PPIG: variants seen among roughly 807,000 people sequenced by gnomAD.
PPIG encodes the protein peptidylprolyl isomerase G.
In PPIG, 26 loss-of-function variants were observed where a neutral mutation model predicts 87.9. The ratio of observed to expected loss-of-function variants is 0.30; its 90% CI spans 0.22 to 0.41. The LOEUF is 0.41. Among genes scored for constraint, PPIG ranks in the 10% least tolerant of loss-of-function variants. The pLI, the probability that PPIG is intolerant of heterozygous loss-of-function variation, is 1.00. For synonymous variants in PPIG, 308 were observed against 276.5 expected (o/e 1.11, Z -1.13); for missense variants, 722 against 879.4 (o/e 0.82, Z 2.26).
chr2:169,612,226 CT>C (rs1025702753), intron 7 of PPIG, among the ~76,000 whole-genome samples: 1 of 152,168 alleles, frequency 6.6e-6, no homozygotes, highest in African/African-American at 2.4e-5. Context: ...ACCATTTCCC[CT>C]TTCCCCCAAT....
At chr2:169,611,893 A>G (rs1334724475) in intron 7 of PPIG, among the ~76,000 whole-genome samples, 1 of 152,206 alleles carries the variant, frequency 6.6e-6, no homozygotes, top group Non-Finnish European at 1.5e-5. Flanking sequence ...AGTCTTAAAA[A>G]AAATTTTTTT....
At position 169,614,582 on chromosome 2, in the gene PPIG, T is replaced by G; in HGVS notation, c.408-3T>G. 1 of 1,599,434 alleles carries G rather than the reference T, an allele frequency of 6.3e-7. No homozygotes were observed. ...TTTAATAATTTTTTACTTGACACTT[T>G]AGGCATCATGTTGTTTTTGGACAAG... On this transcript the variant is annotated splice_region_variant and splice_polypyrimidine_tract_variant and intron_variant, in intron 8 of 13. Coordinates refer to ENST00000260970, the MANE Select transcript of PPIG (RefSeq NM_004792.3).
chr2:169,585,986 AT>A (rs2105466076), intron 1 of PPIG, among the ~76,000 whole-genome samples: 1 of 152,222 alleles, frequency 6.6e-6, no homozygotes, highest in South Asian at 2.1e-4. Context: ...GTGCTATAAA[AT>A]CCAGAAAAGA....
At chr2:169,592,512 G>T (rs1196425450) in intron 1 of PPIG, among the ~76,000 whole-genome samples, 1 of 151,984 alleles carries the variant, frequency 6.6e-6, no homozygotes, top group South Asian at 2.1e-4. Context: ...CACCATGTTA[G>T]CCAGGATGGT....
At chr2:169,610,471 G>A (rs1329261717) in intron 7 of PPIG, among the ~76,000 whole-genome samples, 1 of 149,486 alleles carries the variant, frequency 6.7e-6, no homozygotes, top group Non-Finnish European at 1.5e-5. Flanking sequence ...TTCCTACCTA[G>A]TTTTGATATT....
At chr2:169,625,954 A>G (rs1685869680) in intron 9 of PPIG, among the ~76,000 whole-genome samples, 1 of 152,162 alleles carries the variant, frequency 6.6e-6, no homozygotes, top group Non-Finnish European at 1.5e-5. Flanking sequence ...CTGATCTGAC[A>G]GGAGGTGGAG....
chr2:169,605,957 AG>A, intron 4 of PPIG, 81 bp from the exon 5 acceptor site: 2 of 916,516 alleles, frequency 2.2e-6, no homozygotes, highest in South Asian at 2.9e-5. Context: ...AGGGTTCAAG[AG>A]GGGCATATTT....
At position 169,636,621 on chromosome 2, in the gene PPIG, A is replaced by G; in HGVS notation, c.1363A>G (p.Arg455Gly). 1 of 1,594,316 alleles carries G rather than the reference A, an allele frequency of 6.3e-7. No homozygotes were observed. Among genetic ancestry groups the G allele is most frequent in the Non-Finnish European group, 8.5e-7 (1 of 1,175,208 alleles). Reference protein sequence around the residue: ...DDKYKNKVKKRAKSKSRSKSK... With the variant: ...DDKYKNKVKKGAKSKSRSKSK... Reference sequence around the variant, plus strand: ...CAAGTATAAAAACAAAGTGAAGAAAAGGGCCAAATCTAAAAGTAGGAGTAA... The same window carrying G: ...CAAGTATAAAAACAAAGTGAAGAAAGGGGCCAAATCTAAAAGTAGGAGTAA... The change falls in exon 14 of 14, where the codon AGG (arginine) becomes GGG (glycine). Residue 455 changes from arginine to glycine, a missense_variant. By Grantham distance (125) the Arg-to-Gly change is moderately radical (BLOSUM62 -2). Around this residue, in one of 4 missense-constraint regions of PPIG, gnomAD observed 476 missense variants for 483.1 expected, o/e 0.99. Coordinates refer to ENST00000260970, the MANE Select transcript of PPIG (RefSeq NM_004792.3).
At chr2:169,626,903 T>C (rs1018486184) in intron 9 of PPIG, among the ~76,000 whole-genome samples, 3 of 139,928 alleles carry the variant, frequency 2.1e-5, no homozygotes, top group African/African-American at 8.1e-5. Flanking sequence ...GGAGGCGGGG[T>C]TTCACCATGT....
rs1019438621 is a variant in PPIG at position 169,638,170 on chromosome 2, G to A, written c.*647G>A. 1.3e-5 allele frequency: 2 copies of A among 151,712 alleles called. No homozygotes were observed. The highest frequency in any genetic ancestry group is 4.8e-5 in the African/African-American group (2 of 41,308). 9.4% of individuals were successfully genotyped at this position (151,712 alleles called of 1,614,324 possible). ...TTTTACTTAACTGCCTATAAAAATCGTAAGAGTAATTTTTTTCAGTTGATG... is the reference window on the plus strand; with the variant it reads ...TTTTACTTAACTGCCTATAAAAATCATAAGAGTAATTTTTTTCAGTTGATG... On this transcript the variant is annotated 3_prime_UTR_variant, in exon 14 of 14. Coordinates refer to ENST00000260970, the MANE Select transcript of PPIG (RefSeq NM_004792.3).
intron 9 of PPIG, among the ~76,000 whole-genome samples, chr2:169,627,319 A>T (rs1243527478): frequency 6.6e-6 from 1 of 151,838 alleles, no homozygotes; most frequent in Admixed American, 6.6e-5. Context: ...CTGGTCTCGA[A>T]CTCCTGACCT....
At chr2:169,604,373 C>T (rs189142064) in intron 4 of PPIG, 112 bp downstream of exon 4, 24 of 847,398 alleles carry the variant, frequency 2.8e-5, no homozygotes, top group African/African-American at 1.5e-4. Flanking sequence ...GATCTTGCAA[C>T]GTTGTCCAAC....
At position 169,593,511 on chromosome 2, in the gene PPIG, C is replaced by G. The variant is rs57663129; in HGVS notation, c.-70+9021C>G. On this transcript the variant is annotated intron_variant, in intron 1 of 13. Transcript: ENST00000260970. ...AGAAAGAAGTAGTGAGGCAAAAGCCCTCTCCAGTCTTACAGACACACACAA... is the reference window on the plus strand; with the variant it reads ...AGAAAGAAGTAGTGAGGCAAAAGCCGTCTCCAGTCTTACAGACACACACAA... Among the ~76,000 whole-genome samples the G allele has an allele frequency of 9.3e-3, 1,420 of 152,234 alleles. 28 individuals carry two copies. The highest frequency in any genetic ancestry group is 0.032 in the African/African-American group (1,320 of 41,538).
chr2:169,616,425 T>C (rs1305435349), intron 9 of PPIG, among the ~76,000 whole-genome samples: 3 of 152,212 alleles, frequency 2.0e-5, no homozygotes, highest in African/African-American at 4.8e-5. Flanking sequence ...ATCGCCACAC[T>C]GTCTTCTACA....
At position 169,636,898 on chromosome 2, in the gene PPIG, G is replaced by C; in HGVS notation, c.1640G>C (p.Arg547Thr). The C allele has an allele frequency of 1.2e-6, 2 of 1,613,876 alleles. No individual in the cohort carries two copies. Among genetic ancestry groups the C allele is most frequent in the Non-Finnish European group, 1.7e-6 (2 of 1,179,960 alleles). Residue 547 changes from arginine to threonine, a missense_variant, in exon 14 of 14, where the codon AGA becomes ACA. Coordinates refer to ENST00000260970, the MANE Select transcript of PPIG (RefSeq NM_004792.3). ...GATAGACGCGCACAATCCAGGAGTA[G>C]AGAATGTGATATAACTAAAGGTAAA... ...EKDRRAQSRSRECDITKGKHS... is the reference protein window; with the variant it reads ...EKDRRAQSRSTECDITKGKHS...
chr2:169,630,758 T>G lies in PPIG; in HGVS notation c.548-16T>G. 1 of 1,575,486 alleles carries G rather than the reference T, an allele frequency of 6.3e-7. No individual in the cohort carries two copies. Among genetic ancestry groups the G allele is most frequent in the Non-Finnish European group, 8.6e-7 (1 of 1,163,788 alleles). On this transcript the variant is annotated splice_polypyrimidine_tract_variant and intron_variant, in intron 9 of 13. Coordinates refer to ENST00000260970, the MANE Select transcript of PPIG (RefSeq NM_004792.3). ...TCTAAAAATTGTTGATCAAAACCTT[T>G]TTGTTTTTATTAAAGTTAAGAAAGA...
chr2:169,620,580 C>T (rs865911464), intron 9 of PPIG, among the ~76,000 whole-genome samples: 6 of 151,984 alleles, frequency 3.9e-5, no homozygotes, highest in African/African-American at 7.2e-5. Flanking sequence ...GATGGCAATT[C>T]AAGAGAGGAA....
chr2:169,636,647 G>A lies in PPIG; in HGVS notation c.1389G>A (p.Lys463=), dbSNP rs1686187750. ...GGGCCAAATCTAAAAGTAGGAGTAA[G>A]AGCAAAGAGAAATCAAAGAGTAAAG... ...KKRAKSKSRS[K]SKEKSKSKER... The change falls in exon 14 of 14, where the codon AAG becomes AAA. Residue 463 remains lysine, a synonymous_variant. Transcript: ENST00000260970. 10 of 1,600,162 alleles carry A rather than the reference G, an allele frequency of 6.2e-6. No homozygotes were observed. The highest frequency in any genetic ancestry group is 2.7e-5 in the African/African-American group (2 of 73,808).
At chr2:169,603,523 A>G (rs1032014680) in intron 1 of PPIG, 119 bp from the exon 2 acceptor site, 2 of 146,778 alleles carry the variant, frequency 1.4e-5, no homozygotes, top group Non-Finnish European at 3.0e-5. Context: ...TATTAACTAT[A>G]TACTATTTAA....
Sources: allele counts gnomAD v4.1 joint callset (sites outside exome capture counted in the v4.1 genomes callset), GRCh38; gene constraint gnomAD v4.1.1; regional missense constraint gnomAD v4.1.1; transcripts MANE v1.5; gene names NCBI Gene and HGNC (gene_info 2026-07-23, HGNC 2026-07-21).